The following GATAD2B variants were observed in gnomAD, a reference collection of about 807,000 sequenced individuals.
GATAD2B encodes GATA zinc finger domain containing 2B.
A neutral mutation model predicts 64.3 loss-of-function variants in GATAD2B; 8 were observed. The ratio of observed to expected loss-of-function variants is 0.12; its 90% confidence interval spans 0.07 to 0.22. The LOEUF (loss-of-function observed/expected upper bound fraction) is 0.22. Among genes scored for constraint, GATAD2B ranks in the 10% least tolerant of loss-of-function variants. The pLI is 1.00. For missense variants in GATAD2B, 453 were observed against 752.0 expected (o/e 0.60, Z 4.65); for synonymous variants, 281 against 271.3 (o/e 1.04, Z -0.35).
rs201064737 is a variant in GATAD2B, at chr1:153,909,678, A to AT, written c.-2+13054dup. On this transcript the variant is annotated intron_variant, in intron 1 of 10. Transcript: ENST00000368655. ...CCAGGCGTGGTAGCTCAAGCCTATAATCCCAGCACTTTGGGAGACTGAGGG... is the reference window on the plus strand; with the variant it reads ...CCAGGCGTGGTAGCTCAAGCCTATAATTCCCAGCACTTTGGGAGACTGAGGG... Among the ~76,000 whole-genome samples the AT allele has an allele frequency of 8.0e-3, 1,214 of 150,912 alleles. 19 individuals are homozygous for AT. Among genetic ancestry groups the AT allele is most frequent in the African/African-American group, 0.028 (1,170 of 41,150 alleles).
chr1:153,816,059 AAC>A lies in GATAD2B; in HGVS notation c.1216+212_1216+213del, dbSNP rs71093286. Among the ~76,000 whole-genome samples, 17,303 of 141,638 alleles carry A rather than the reference AAC, an allele frequency of 0.12. 1,408 individuals are homozygous for A. The highest frequency in any genetic ancestry group is 0.47 in the East Asian group (2,205 of 4,696). 92.9% of individuals were successfully genotyped at this position (141,638 alleles called of 152,430 possible). A position where few individuals can be genotyped will look rare whatever the true frequency, so the allele number is the denominator to read the frequency against. ...CAGAGCGAGACTGCATCTCAAACAA[AAC>A]ACACACACACACACACACACACACA... is the stretch of plus-strand genomic sequence containing the variant. On this transcript the variant is annotated intron_variant, in intron 7 of 10. Coordinates refer to ENST00000368655, the MANE Select transcript of GATAD2B (RefSeq NM_020699.4). This position sits in a 1 kb window ranked among gnomAD's most constrained non-coding sequence, Gnocchi z 4.9.
At chr1:153,874,499 T>C (rs1676764625) in intron 1 of GATAD2B, among the ~76,000 whole-genome samples, 1 of 152,182 alleles carries the variant, frequency 6.6e-6, no homozygotes, top group South Asian at 2.1e-4. Flanking sequence ...TTCCTAAAAA[T>C]CTGAAATGAT....
At chr1:153,903,090 C>T (rs1472767466) in intron 1 of GATAD2B, among the ~76,000 whole-genome samples, 1 of 151,866 alleles carries the variant, frequency 6.6e-6, no homozygotes, top group African/African-American at 2.4e-5. Context: ...TGGTGGCGGG[C>T]GCCTGTGGTC....
intron 1 of GATAD2B, among the ~76,000 whole-genome samples, chr1:153,896,454 G>C (rs61804841): frequency 8.9e-6 from 1 of 112,670 alleles, no homozygotes. Flanking sequence ...TTTTTTTTTG[G>C]AAATGGAGTT....
intron 1 of GATAD2B, among the ~76,000 whole-genome samples, chr1:153,857,444 A>G (rs1296784091): frequency 6.6e-6 from 1 of 151,826 alleles, no homozygotes; most frequent in East Asian, 1.9e-4. Flanking sequence ...AGACTCTCAA[A>G]TGTGTGTGTG....
chr1:153,903,513 A>C (rs1463954525), intron 1 of GATAD2B, among the ~76,000 whole-genome samples: 1 of 152,232 alleles, frequency 6.6e-6, no homozygotes, highest in Non-Finnish European at 1.5e-5. Flanking sequence ...AATACTTTAA[A>C]GTACTTTTGA....
chr1:153,818,690 G>A (rs1674570736), intron 4 of GATAD2B, 101 bp downstream of exon 4: 2 of 848,302 alleles, frequency 2.4e-6, no homozygotes, highest in Non-Finnish European at 3.6e-6. Context: ...TACGGACCCA[G>A]AGAAGAAATG....
chr1:153,850,234 C>A (rs758469520), intron 1 of GATAD2B, among the ~76,000 whole-genome samples: 1 of 152,168 alleles, frequency 6.6e-6, no homozygotes, highest in Admixed American at 6.5e-5. Context: ...ATATTCATTT[C>A]CCAGTTTGGG....
In GATAD2B at chr1:153,828,090, A is replaced by G. The variant is rs1018028286; in HGVS notation, c.258T>C (p.His86=). Residue 86 remains histidine (H), a synonymous_variant, in exon 2 of 11, where the codon CAT becomes CAC. Coordinates refer to ENST00000368655, the MANE Select transcript of GATAD2B (RefSeq NM_020699.4). The stretch of plus-strand genomic sequence containing the variant: ...GCCTTCCAGCAGTCCTGTTGTCTCC[A>G]TGAGGCCTGAGATTCCCGTTAAGTT... The part of the protein sequence containing the change: ...EEKLNGNLRP[H]GDNRTAGRPG... 5 of 1,614,162 alleles carry G rather than the reference A, an allele frequency of 3.1e-6. No individual in the cohort carries two copies. In the South Asian group the frequency reaches 4.4e-5, roughly 14 times the overall value.
chr1:153,899,465 G>A (rs571624358), intron 1 of GATAD2B, among the ~76,000 whole-genome samples: 1 of 152,072 alleles, frequency 6.6e-6, no homozygotes, highest in Non-Finnish European at 1.5e-5. Flanking sequence ...AACTTGGGAG[G>A]CTGAGGCAGG....
chr1:153,875,272 C>G (rs1434448291), intron 1 of GATAD2B, among the ~76,000 whole-genome samples: 2 of 152,084 alleles, frequency 1.3e-5, no homozygotes, highest in East Asian at 3.9e-4. Context: ...CCAGGGGCAT[C>G]CAACCTTTTG....
At chr1:153,869,095 C>T (rs1433066421) in intron 1 of GATAD2B, among the ~76,000 whole-genome samples, 1 of 152,114 alleles carries the variant, frequency 6.6e-6, no homozygotes, top group Non-Finnish European at 1.5e-5. Context: ...GAGTTCAAGA[C>T]CAGCCTGACC....
intron 1 of GATAD2B, among the ~76,000 whole-genome samples, chr1:153,843,062 C>T (rs1376162764): frequency 6.6e-6 from 1 of 151,858 alleles, no homozygotes; most frequent in African/African-American, 2.4e-5. Flanking sequence ...AGTGATCCTC[C>T]CGCCTCAGCC....
rs939045886 is a variant in GATAD2B at position 153,889,656 on chromosome 1, G to A, written c.-2+33077C>T. On this transcript the variant is annotated intron_variant, in intron 1 of 10. Coordinates refer to ENST00000368655, the MANE Select transcript of GATAD2B (RefSeq NM_020699.4). ...AGAGGAAAGTTGTAGATGCGTGAAC[G>A]TCAAATTTAAAATACACTCACATGT... 2.4e-5 allele frequency: 19 copies of A among 794,908 alleles called. No homozygotes were observed. In the African/African-American group the frequency reaches 2.6e-4, roughly 11 times the overall value. 49.2% of individuals were successfully genotyped at this position (794,908 alleles called of 1,614,324 possible).
intron 1 of GATAD2B, among the ~76,000 whole-genome samples, chr1:153,883,755 T>A (rs1353302985): frequency 2.3e-4 from 35 of 152,150 alleles, no homozygotes. Context: ...TAGATACAAT[T>A]AAGCTGTCTG....
intron 8 of GATAD2B, 29 bp from the exon 9 acceptor site, chr1:153,812,161 GAGC>G (rs772189196): frequency 4.0e-5 from 47 of 1,161,752 alleles, no homozygotes; most frequent in Non-Finnish European, 5.8e-5. Context: ...TCAGGTGATT[GAGC>G]AGGACAGCAC....
chr1:153,908,828 G>GT (rs892556932), intron 1 of GATAD2B, among the ~76,000 whole-genome samples: 6 of 150,464 alleles, frequency 4.0e-5, no homozygotes, highest in Non-Finnish European at 7.4e-5. Context: ...ACAAGGTTGT[G>GT]TTTTATCCCC....
chr1:153,904,838 GT>G (rs1677878717), intron 1 of GATAD2B, among the ~76,000 whole-genome samples: 1 of 152,022 alleles, frequency 6.6e-6, no homozygotes. Flanking sequence ...TCCCGAGCAG[GT>G]GGGATTACAG....
At chr1:153,917,944 G>A (rs1027524132) in intron 1 of GATAD2B, among the ~76,000 whole-genome samples, 18 of 152,212 alleles carry the variant, frequency 1.2e-4, no homozygotes, top group African/African-American at 4.3e-4. Flanking sequence ...TCATTAAAAA[G>A]GTGACATTTA....
Sources: allele counts gnomAD v4.1 joint callset (sites outside exome capture counted in the v4.1 genomes callset), GRCh38; gene constraint gnomAD v4.1.1; non-coding constraint Gnocchi (gnomAD v3.1); transcripts MANE v1.5; gene names NCBI Gene and HGNC (gene_info 2026-07-23, HGNC 2026-07-21).